TMEM131L: variants seen among roughly 807,000 people sequenced by gnomAD.
The protein encoded by TMEM131L is transmembrane protein 131-like.
In TMEM131L, 54 loss-of-function variants were observed where a neutral mutation model predicts 192.2. That is an observed-to-expected ratio of 0.28 (90% confidence interval 0.23 to 0.35). TMEM131L has a LOEUF of 0.35. TMEM131L is among the 10% of genes least tolerant of loss of function. The probability of loss-of-function intolerance (pLI) is 1.00; values close to 1 mark genes in which losing one functional copy is unlikely to be tolerated. For missense variants in TMEM131L, 1,888 were observed against 1,972.9 expected, an observed-to-expected ratio of 0.96 and a Z score of 0.82; for synonymous variants, 701 against 704.9, an observed-to-expected ratio of 0.99 and a Z score of 0.09.
rs1024156556 is a variant in TMEM131L at position 153,555,196 on chromosome 4, A to T, written c.309-591A>T. Among the ~76,000 whole-genome samples, 17 of 152,180 alleles carry T rather than the reference A, an allele frequency of 1.1e-4. No individual in the cohort carries two copies. The highest frequency in any genetic ancestry group is 4.1e-4 in the African/African-American group (17 of 41,446). ...AAAAGAATAGCCTTTAGCCATAATT[A>T]AGTTTTCCTTTTCTAAGACCTAATA... On this transcript the variant is annotated intron_variant, in intron 4 of 34. Coordinates refer to ENST00000409959, the MANE Select transcript of TMEM131L (RefSeq NM_001131007.2). The surrounding 1 kb of genome is among the most constrained non-coding windows in gnomAD (Gnocchi z 4.1).
intron 29 of TMEM131L, among the ~76,000 whole-genome samples, chr4:153,625,626 A>G (rs1464199368): frequency 2.0e-5 from 3 of 152,166 alleles, no homozygotes; most frequent in East Asian, 1.9e-4. Flanking sequence ...TTCCAATTTT[A>G]TACATATACA....
intron 24 of TMEM131L, 114 bp from the exon 25 acceptor site, chr4:153,603,688 G>A: frequency 8.2e-7 from 1 of 1,226,394 alleles, no homozygotes; most frequent in Non-Finnish European, 1.1e-6. Flanking sequence ...AAGAAGGGAA[G>A]GTAAAACTTA....
chr4:153,632,514 G>C (rs553134858), intron 31 of TMEM131L: 82 of 559,790 alleles, frequency 1.5e-4, no homozygotes, highest in African/African-American at 1.4e-3. Flanking sequence ...CAGGTCAAGA[G>C]ACAATCGGAC....
chr4:153,603,449 A>G lies in TMEM131L; in HGVS notation c.2786A>G (p.Tyr929Cys). ...ATGGATGTAATCAGCCCCCATTCTT[A>G]CAAGTAAGAATTCTTATAGTGTGGT... ...GPMDVISPHSYKSNCKNFLDT... is the reference protein window; with the variant it reads ...GPMDVISPHSCKSNCKNFLDT... Residue 929 changes from tyrosine (Y) to cysteine (C), a missense_variant, in exon 24 of 35, where the codon TAC (tyrosine) becomes TGC (cysteine). By Grantham distance (194) the Tyr-to-Cys change is radical. Coordinates refer to ENST00000409959, the MANE Select transcript of TMEM131L (RefSeq NM_001131007.2). 2.5e-6 allele frequency: 4 copies of G among 1,612,982 alleles called. No homozygotes were observed. The highest frequency in any genetic ancestry group is 3.4e-6 in the Non-Finnish European group (4 of 1,179,670).
At chr4:153,623,134 C>G (rs1257703811) in intron 29 of TMEM131L, 51 bp downstream of exon 29, 1 of 1,468,086 alleles carries the variant, frequency 6.8e-7, no homozygotes, top group African/African-American at 1.4e-5. Context: ...TCCCTCTGCC[C>G]TCCCACGTAC....
At chr4:153,529,760 C>T (rs1735753148) in intron 3 of TMEM131L, among the ~76,000 whole-genome samples, 1 of 152,190 alleles carries the variant, frequency 6.6e-6, no homozygotes. Context: ...CTCCCTTTTT[C>T]TCCCCTACCC....
chr4:153,582,693 T>G (rs111730379), intron 9 of TMEM131L, among the ~76,000 whole-genome samples: 54 of 152,196 alleles, frequency 3.5e-4, no homozygotes, highest in African/African-American at 1.1e-3. Flanking sequence ...ATTCTCATAG[T>G]GGCCAGTGAA....
intron 19 of TMEM131L, 86 bp from the exon 20 acceptor site, chr4:153,596,172 A>T: frequency 6.9e-7 from 1 of 1,459,442 alleles, no homozygotes; most frequent in African/African-American, 1.4e-5. Flanking sequence ...AAGAGAAGCA[A>T]TCGTGTTTAA....
intron 3 of TMEM131L, among the ~76,000 whole-genome samples, chr4:153,528,704 A>C (rs1413644976): frequency 6.6e-6 from 1 of 152,152 alleles, no homozygotes; most frequent in East Asian, 1.9e-4. Flanking sequence ...CCACAAGCAA[A>C]GCAGGTACAG....
At chr4:153,613,457 A>G (rs1732769657) in intron 26 of TMEM131L, among the ~76,000 whole-genome samples, 1 of 152,238 alleles carries the variant, frequency 6.6e-6, no homozygotes, top group Admixed American at 6.5e-5. Context: ...CTATGAAAAC[A>G]TGAAACGTGT....
At chr4:153,606,368 T>C (rs1732239270) in intron 25 of TMEM131L, among the ~76,000 whole-genome samples, 2 of 152,204 alleles carry the variant, frequency 1.3e-5, no homozygotes, top group African/African-American at 2.4e-5. Flanking sequence ...ACAAGAGATA[T>C]GTGCCTGCAA....
intron 26 of TMEM131L, among the ~76,000 whole-genome samples, chr4:153,618,720 C>A (rs1174491880): frequency 6.6e-6 from 1 of 152,096 alleles, no homozygotes; most frequent in Non-Finnish European, 1.5e-5. Flanking sequence ...CTCCTAATTG[C>A]AGCTCCATGT....
At chr4:153,635,642 T>C (rs1734517632) in intron 34 of TMEM131L, 71 bp downstream of exon 34, 3 of 1,557,178 alleles carry the variant, frequency 1.9e-6, no homozygotes, top group Middle Eastern at 1.7e-4. Context: ...TCCTTAATCC[T>C]GGTCTCAGCT....
intron 3 of TMEM131L, among the ~76,000 whole-genome samples, chr4:153,503,030 GA>G (rs1424951079): frequency 6.6e-6 from 1 of 151,424 alleles, no homozygotes; most frequent in African/African-American, 2.4e-5. Flanking sequence ...CCAAATACTT[GA>G]GATTTATTTT....
chr4:153,513,345 C>T (rs1189714698), intron 3 of TMEM131L, among the ~76,000 whole-genome samples: 2 of 152,134 alleles, frequency 1.3e-5, no homozygotes, highest in African/African-American at 2.4e-5. Context: ...GATAGGAGCT[C>T]TATTCTGATT....
At chr4:153,497,388 C>G (rs1445969609) in intron 3 of TMEM131L, among the ~76,000 whole-genome samples, 1 of 152,062 alleles carries the variant, frequency 6.6e-6, no homozygotes, top group Admixed American at 6.6e-5. Flanking sequence ...CTACCTTTTT[C>G]TGAGTTAGGC....
At chr4:153,574,386 T>C (rs770552721) in intron 7 of TMEM131L, among the ~76,000 whole-genome samples, 36 of 152,170 alleles carry the variant, frequency 2.4e-4, no homozygotes, top group Non-Finnish European at 4.7e-4. Context: ...ACAGTACTTA[T>C]TAATAACTCA....
chr4:153,594,243 AT>A (rs56913172), intron 19 of TMEM131L, among the ~76,000 whole-genome samples: 40,567 of 151,888 alleles, frequency 0.27, 5,701 homozygotes, highest in Non-Finnish European at 0.33. Context: ...ATTAAAAAAA[AT>A]CTTCTCTTAC....
At chr4:153,497,571 A>AT in intron 3 of TMEM131L, among the ~76,000 whole-genome samples, 1 of 152,248 alleles carries the variant, frequency 6.6e-6, no homozygotes, top group Admixed American at 6.5e-5. Flanking sequence ...TAGGTCTTAC[A>AT]TTTTATGTTA....
Sources: allele counts gnomAD v4.1 joint callset (sites outside exome capture counted in the v4.1 genomes callset), GRCh38; gene constraint gnomAD v4.1.1; non-coding constraint Gnocchi (gnomAD v3.1); transcripts MANE v1.5; gene names NCBI Gene and HGNC (gene_info 2026-07-23, HGNC 2026-07-21).